KIRREL3: variants seen among roughly 807,000 people sequenced by gnomAD.
The protein encoded by KIRREL3 is kin of IRRE-like protein 3.
A neutral mutation model predicts 89.7 loss-of-function variants in KIRREL3; 36 were observed. The observed-to-expected ratio is 0.40, with a 90% CI of 0.31 to 0.53. The LOEUF is 0.53. KIRREL3 is among the 20% of genes least tolerant of loss of function. KIRREL3 has a pLI of 0.49. For synonymous variants in KIRREL3, 445 were observed against 441.4 expected, an observed-to-expected ratio of 1.01 and a Z score of -0.10; for missense variants, 864 against 1,056.6, an observed-to-expected ratio of 0.82 and a Z score of 2.53.
chr11:126,879,303 G>A lies in KIRREL3; in HGVS notation c.55+121152C>T, dbSNP rs182538457. 6.6e-5 allele frequency among the ~76,000 whole-genome samples: 10 copies of A among 152,308 alleles called. No individual in the cohort carries two copies. Among genetic ancestry groups the A allele is most frequent in the Non-Finnish European group, 1.0e-4 (7 of 68,018 alleles). ...TAGTGCTGAGGCTGAGTTAATGCCA[G>A]TTTCCAGAAAGGATTAATATACACT... On this transcript the variant is annotated intron_variant, in intron 1 of 16. Transcript: ENST00000525144. The surrounding 1 kb of genome is among the most constrained non-coding windows in gnomAD (Gnocchi z 5.4).
At position 126,683,167 on chromosome 11, in the gene KIRREL3, C is replaced by T. The variant is rs1946535183; in HGVS notation, c.56-120255G>A. On this transcript the variant is annotated intron_variant, in intron 1 of 16. Transcript: ENST00000525144. This position sits in a 1 kb window ranked among gnomAD's most constrained non-coding sequence, Gnocchi z 5.2. Reference sequence around the variant, plus strand: ...CACAGCACCGGGTTACTTTGTTACTCTTTAGGGGTATTGGAAATATTAAGA... The same window carrying T: ...CACAGCACCGGGTTACTTTGTTACTTTTTAGGGGTATTGGAAATATTAAGA... Among the ~76,000 whole-genome samples the T allele has an allele frequency of 6.6e-6, 1 of 152,078 alleles. No individual in the cohort carries two copies.
rs562052307 is a variant in KIRREL3 at position 126,708,473 on chromosome 11, A to G, written c.56-145561T>C. ...GGGAAGACTGGAAATAGAGTCCTTT[A>G]TCTCAGATATCAAACCCTGGCCCAG... is the stretch of plus-strand genomic sequence containing the variant. On this transcript the variant is annotated intron_variant, in intron 1 of 16. Transcript: ENST00000525144. The surrounding 1 kb of genome is among the most constrained non-coding windows in gnomAD (Gnocchi z 5.7). 6.6e-6 allele frequency among the ~76,000 whole-genome samples: 1 copy of G among 152,280 alleles called. No homozygotes were observed. The highest frequency in any genetic ancestry group is 2.1e-4 in the South Asian group (1 of 4,816).
intron 1 of KIRREL3, among the ~76,000 whole-genome samples, chr11:126,809,229 G>C (rs1034953796): frequency 6.6e-6 from 1 of 152,132 alleles, no homozygotes; most frequent in Non-Finnish European, 1.5e-5. Flanking sequence ...CATGCCCTAG[G>C]AGCAAATGAA....
At chr11:126,514,804 A>G (rs1274776387) in intron 4 of KIRREL3, among the ~76,000 whole-genome samples, 1 of 150,456 alleles carries the variant, frequency 6.6e-6, no homozygotes, top group African/African-American at 2.5e-5. Context: ...GCTTAGCCAC[A>G]TTGCCTCTCC....
In KIRREL3 at chr11:126,622,175, A is replaced by G. The variant is rs590563; in HGVS notation, c.56-59263T>C. On this transcript the variant is annotated intron_variant, in intron 1 of 16. Transcript: ENST00000525144. This position sits in a 1 kb window ranked among gnomAD's most constrained non-coding sequence, Gnocchi z 5.2. ...TCACACTGCATTTACAAGGTGTTTT[A>G]CATACAGTAATTGTTCACTTGCTAA... Among the ~76,000 whole-genome samples the G allele has an allele frequency of 0.99, 151,186 of 152,362 alleles. 75,019 individuals are homozygous for G. The highest frequency in any genetic ancestry group is 1 in the East Asian group (5,190 of 5,190).
At chr11:126,604,049 T>A (rs1942779824) in intron 1 of KIRREL3, among the ~76,000 whole-genome samples, 1 of 152,234 alleles carries the variant, frequency 6.6e-6, no homozygotes, top group African/African-American at 2.4e-5. Context: ...TCCTTCCTGC[T>A]TTCCTTTCTT....
Position 126,444,974 on chromosome 11 carries a change from C to G in KIRREL3, c.1252+5G>C. The G allele has an allele frequency of 6.2e-7, 1 of 1,613,754 alleles. No homozygotes were observed. The highest frequency in any genetic ancestry group is 8.5e-7 in the Non-Finnish European group (1 of 1,179,866). On this transcript the variant is annotated splice_donor_5th_base_variant and intron_variant, in intron 10 of 16. Coordinates refer to ENST00000525144, the MANE Select transcript of KIRREL3 (RefSeq NM_032531.4). ...AGGCCTGGCTCACCCCAGCGAGGGT[C>G]TTACCATTGACGGTCAGGGTCACCT...
chr11:126,563,341 A>G lies in KIRREL3; in HGVS notation c.56-429T>C, dbSNP rs1020139149. Among the ~76,000 whole-genome samples the G allele has an allele frequency of 6.6e-5, 10 of 152,180 alleles. No homozygotes were observed. Among genetic ancestry groups the G allele is most frequent in the Admixed American group, 5.9e-4 (9 of 15,284 alleles). ...ACTGTGGCCAGACCTGCCAGGGATGATGCAGAATCTATCCAGTCGTGTCTA... is the reference window on the plus strand; with the variant it reads ...ACTGTGGCCAGACCTGCCAGGGATGGTGCAGAATCTATCCAGTCGTGTCTA... On this transcript the variant is annotated intron_variant, in intron 1 of 16. Transcript: ENST00000525144. This position sits in a 1 kb window ranked among gnomAD's most constrained non-coding sequence, Gnocchi z 6.8.
rs1339918257 is a variant in KIRREL3 at position 126,641,597 on chromosome 11, T to TACA, written c.56-78688_56-78686dup. The stretch of plus-strand genomic sequence containing the variant: ...AATCCATTTACAGGTCGCAGACATT[T>TACA]ACAACACCAGCCTCCTGGCTTCTTA... On this transcript the variant is annotated intron_variant, in intron 1 of 16. Transcript: ENST00000525144. This position sits in a 1 kb window ranked among gnomAD's most constrained non-coding sequence, Gnocchi z 5.0. Among the ~76,000 whole-genome samples the TACA allele has an allele frequency of 2.0e-5, 3 of 152,278 alleles. No homozygotes were observed. The highest frequency in any genetic ancestry group is 7.2e-5 in the African/African-American group (3 of 41,548).
rs560684482 is a variant in KIRREL3, at chr11:126,555,270, G to C, written c.133+7565C>G. The stretch of plus-strand genomic sequence containing the variant: ...CACTCCCTCTCTCAAGCAGTGGCCA[G>C]AGGTAGGCTGAGTGAAACAAGCCAC... On this transcript the variant is annotated intron_variant, in intron 2 of 16. Coordinates refer to ENST00000525144, the MANE Select transcript of KIRREL3 (RefSeq NM_032531.4). This position sits in a 1 kb window ranked among gnomAD's most constrained non-coding sequence, Gnocchi z 4.2. 7.9e-5 allele frequency among the ~76,000 whole-genome samples: 12 copies of C among 152,318 alleles called. No homozygotes were observed. In the East Asian group the frequency reaches 2.1e-3, roughly 27 times the overall value.
rs1242003565 is a variant in KIRREL3 at position 126,496,570 on chromosome 11, G to A, written c.434-23104C>T. On this transcript the variant is annotated intron_variant, in intron 4 of 16. Transcript: ENST00000525144. The surrounding 1 kb of genome is among the most constrained non-coding windows in gnomAD (Gnocchi z 4.9). ...GGAGGGAGGGGTGGGTGTGATGGAG[G>A]CAAAGGGAAGGAAGACCACATCCAC... is the stretch of plus-strand genomic sequence containing the variant. Among the ~76,000 whole-genome samples, 1 of 152,066 alleles carries A rather than the reference G, an allele frequency of 6.6e-6. No individual in the cohort carries two copies. The highest frequency in any genetic ancestry group is 1.9e-4 in the East Asian group (1 of 5,180).
rs1591667782 is a variant in KIRREL3 at position 126,519,066 on chromosome 11, G to A, written c.433+2249C>T. On this transcript the variant is annotated intron_variant, in intron 4 of 16. Transcript: ENST00000525144. The surrounding 1 kb of genome is among the most constrained non-coding windows in gnomAD (Gnocchi z 4.3). ...GGAGGGGACCCTGCTGGGGATCATG[G>A]AAACTTCCTCTGCCCTCCTTCCGCT... Among the ~76,000 whole-genome samples, 1 of 152,238 alleles carries A rather than the reference G, an allele frequency of 6.6e-6. No individual in the cohort carries two copies. The highest frequency in any genetic ancestry group is 1.5e-5 in the Non-Finnish European group (1 of 68,036).
intron 1 of KIRREL3, among the ~76,000 whole-genome samples, chr11:126,762,170 C>CATAA (rs1555189986): frequency 3.4e-4 from 51 of 151,282 alleles, no homozygotes; most frequent in South Asian, 1.3e-3. Context: ...GTGAGACTGT[C>CATAA]ATAAATAAAT....
rs981212649 is a variant in KIRREL3, at chr11:126,606,817, CT to C, written c.56-43906del. On this transcript the variant is annotated intron_variant, in intron 1 of 16. Coordinates refer to ENST00000525144, the MANE Select transcript of KIRREL3 (RefSeq NM_032531.4). This position sits in a 1 kb window ranked among gnomAD's most constrained non-coding sequence, Gnocchi z 4.6. ...CTACATGCTGGCCTTCTTCTGCACT[CT>C]TTTTTTCTTTCTTTAAAAGCTTAGA... is the stretch of plus-strand genomic sequence containing the variant. Among the ~76,000 whole-genome samples the C allele has an allele frequency of 3.3e-5, 5 of 151,606 alleles. No homozygotes were observed. Among genetic ancestry groups the C allele is most frequent in the African/African-American group, 9.7e-5 (4 of 41,296 alleles).
intron 7 of KIRREL3, 51 bp downstream of exon 7, chr11:126,456,298 C>G (rs975410675): frequency 7.7e-7 from 1 of 1,292,658 alleles, no homozygotes; most frequent in Admixed American, 2.0e-5. Flanking sequence ...GTGAGAGGCA[C>G]GGGGGTGGGG....
At chr11:126,509,753 T>C (rs1958142865) in intron 4 of KIRREL3, among the ~76,000 whole-genome samples, 1 of 152,088 alleles carries the variant, frequency 6.6e-6, no homozygotes. Flanking sequence ...CCCAGCACTT[T>C]GGGAGGCCAA....
chr11:126,843,728 A>C lies in KIRREL3; in HGVS notation c.55+156727T>G, dbSNP rs193193816. ...GGTCAGCACAAGATACAGGTCATGG[A>C]GACTTTGCTGATAAAACAGCTTACA... On this transcript the variant is annotated intron_variant, in intron 1 of 16. Transcript: ENST00000525144. This position sits in a 1 kb window ranked among gnomAD's most constrained non-coding sequence, Gnocchi z 4.6. 2.0e-5 allele frequency among the ~76,000 whole-genome samples: 3 copies of C among 152,322 alleles called. No individual in the cohort carries two copies. The highest frequency in any genetic ancestry group is 4.4e-5 in the Non-Finnish European group (3 of 68,030).
intron 1 of KIRREL3, among the ~76,000 whole-genome samples, chr11:126,937,629 G>T (rs758454107): frequency 6.6e-6 from 1 of 152,196 alleles, no homozygotes; most frequent in Non-Finnish European, 1.5e-5. Flanking sequence ...GGCCGGGCGT[G>T]GTGGCTCATG....
At chr11:126,939,973 C>T (rs900874346) in intron 1 of KIRREL3, among the ~76,000 whole-genome samples, 5 of 152,040 alleles carry the variant, frequency 3.3e-5, no homozygotes, top group African/African-American at 1.2e-4. Context: ...TAGACTTTAC[C>T]TCCTCTGACT....
Sources: gnomAD v4.1 joint callset for allele counts (sites outside exome capture counted in the v4.1 genomes callset) on GRCh38, gnomAD v4.1.1 for gene constraint, Gnocchi (gnomAD v3.1) non-coding constraint, MANE v1.5 for transcripts, NCBI Gene and HGNC (gene_info 2026-07-23, HGNC 2026-07-21) for gene names.